The following BTG4 variants were observed in gnomAD, a reference collection of about 807,000 sequenced individuals.
BTG4 encodes the protein BTG anti-proliferation factor 4.
A neutral mutation model predicts 19.3 loss-of-function variants in BTG4; 10 were observed. The observed-to-expected ratio is 0.52, with a 90% CI of 0.32 to 0.88. The LOEUF is 0.88. BTG4 is among the 40% of genes least tolerant of loss of function. The pLI is 0.04. For missense variants in BTG4, 238 were observed against 281.9 expected (o/e 0.84, Z 1.11); for synonymous variants, 91 against 95.7 (o/e 0.95, Z 0.29).
chr11:111,439,076 C>T, the BTG4 span, among the ~76,000 whole-genome samples: 1 of 152,250 alleles, frequency 6.6e-6, no homozygotes, highest in African/African-American at 2.4e-5. Flanking sequence ...GCAGCTAAGC[C>T]TCTGCGGTTG....
chr11:111,448,376 T>A, the BTG4 span: 1 of 152,724 alleles, frequency 6.5e-6, no homozygotes, highest in Non-Finnish European at 1.5e-5. Flanking sequence ...TGTGCCCCTG[T>A]GGGATCGTGG....
the BTG4 span, among the ~76,000 whole-genome samples, chr11:111,386,605 T>C: frequency 6.6e-6 from 1 of 152,216 alleles, no homozygotes; most frequent in Non-Finnish European, 1.5e-5. Context: ...TATACATATT[T>C]TCCTTGGAAG....
chr11:111,453,371 C>T, the BTG4 span: 13 of 426,886 alleles, frequency 3.0e-5, no homozygotes, highest in Admixed American at 1.7e-4. Context: ...TCCCTCAGCT[C>T]GCCCTTCCCT....
chr11:111,415,394 T>A, the BTG4 span, among the ~76,000 whole-genome samples: 2 of 152,254 alleles, frequency 1.3e-5, no homozygotes, highest in East Asian at 3.9e-4. Flanking sequence ...TCAGAGGAAG[T>A]GAATATAAAA....
chr11:111,496,435 C>T (rs1457551009), intron 4 of BTG4: 1 of 152,030 alleles, frequency 6.6e-6, no homozygotes, highest in African/African-American at 2.4e-5. Flanking sequence ...TACGAGTTAC[C>T]AGCTTTTAAA....
At chr11:111,463,034 C>G (rs982340333), downstream of BTG4, 1 of 152,694 alleles carries the variant, frequency 6.5e-6, no homozygotes, top group Non-Finnish European at 1.5e-5. Context: ...ATTACGTTCC[C>G]TGTGTTGTAG....
the BTG4 span, among the ~76,000 whole-genome samples, chr11:111,390,319 G>C: frequency 2.0e-5 from 3 of 152,172 alleles, no homozygotes; most frequent in African/African-American, 7.2e-5. Flanking sequence ...GGATGGAACA[G>C]TGAACAAGGA....
intron 1 of BTG4, among the ~76,000 whole-genome samples, chr11:111,510,315 G>T (rs1257091362): frequency 6.6e-6 from 1 of 152,132 alleles, no homozygotes; most frequent in African/African-American, 2.4e-5. Flanking sequence ...GAAGGTATTT[G>T]TTTTCTACAC....
intron 5 of BTG4, among the ~76,000 whole-genome samples, chr11:111,488,084 C>T (rs1235541542): frequency 1.3e-5 from 2 of 151,964 alleles, no homozygotes; most frequent in African/African-American, 2.4e-5. Flanking sequence ...TGACATTCTT[C>T]ACAGAAATAA....
At chr11:111,427,929 A>T in the BTG4 span, among the ~76,000 whole-genome samples, 1 of 152,172 alleles carries the variant, frequency 6.6e-6, no homozygotes. Context: ...CACCCCGAAC[A>T]TTAGACTGAG....
At chr11:111,436,498 C>T in the BTG4 span, among the ~76,000 whole-genome samples, 14 of 151,984 alleles carry the variant, frequency 9.2e-5, no homozygotes, top group African/African-American at 9.7e-5. Flanking sequence ...TGGTAGTGGG[C>T]GCCTGTAATT....
chr11:111,418,497 C>T, the BTG4 span, among the ~76,000 whole-genome samples: 57 of 152,202 alleles, frequency 3.7e-4, no homozygotes, highest in Admixed American at 3.7e-3. Flanking sequence ...ACCTCCTATG[C>T]TGCAGTGAAG....
At chr11:111,455,021 G>T in the BTG4 span, 2 of 456,360 alleles carry the variant, frequency 4.4e-6, no homozygotes, top group South Asian at 3.1e-5. Context: ...CAGCTGTGGG[G>T]AACAAGGCGC....
chr11:111,409,167 G>C, the BTG4 span, among the ~76,000 whole-genome samples: 85 of 152,292 alleles, frequency 5.6e-4, no homozygotes, highest in African/African-American at 2.0e-3. Flanking sequence ...GGATAGAAGA[G>C]GTGGTAGAGG....
At chr11:111,435,269 AC>A in the BTG4 span, among the ~76,000 whole-genome samples, 1 of 151,990 alleles carries the variant, frequency 6.6e-6, no homozygotes, top group African/African-American at 2.4e-5. Flanking sequence ...GCCCTGCCCC[AC>A]TCTCAAGGGC....
At chr11:111,478,850 G>C (rs181467315) in intron 5 of BTG4, among the ~76,000 whole-genome samples, 38 of 151,946 alleles carry the variant, frequency 2.5e-4, no homozygotes, top group African/African-American at 8.7e-4. Flanking sequence ...GGAAATGAAT[G>C]CATAGAGCAC....
the BTG4 span, among the ~76,000 whole-genome samples, chr11:111,420,792 T>C: frequency 6.6e-6 from 1 of 152,152 alleles, no homozygotes; most frequent in Non-Finnish European, 1.5e-5. Flanking sequence ...GTTGACAGGA[T>C]AAAAAAATAA....
At chr11:111,409,298 T>A in the BTG4 span, among the ~76,000 whole-genome samples, 1 of 152,138 alleles carries the variant, frequency 6.6e-6, no homozygotes, top group Non-Finnish European at 1.5e-5. Context: ...TCATCCCCAC[T>A]GTGGTGGTGT....
chr11:111,426,788 G>A, the BTG4 span, among the ~76,000 whole-genome samples: 1 of 152,192 alleles, frequency 6.6e-6, no homozygotes, highest in African/African-American at 2.4e-5. Flanking sequence ...AGGCAGGCAG[G>A]CCCGGGCAGG....
Sources: allele counts gnomAD v4.1 joint callset (sites outside exome capture counted in the v4.1 genomes callset), GRCh38; gene constraint gnomAD v4.1.1; transcripts MANE v1.5; gene names NCBI Gene and HGNC (gene_info 2026-07-23, HGNC 2026-07-21).